NRXN3: variants seen among roughly 807,000 people sequenced by gnomAD.
NRXN3 encodes neurexin 3.
A neutral mutation model predicts 137.6 loss-of-function variants in NRXN3; 32 were observed. That is an observed-to-expected ratio of 0.23 (90% CI 0.18 to 0.31). NRXN3 has a LOEUF of 0.31. Ranked by LOEUF, NRXN3 falls within the 10% of genes least tolerant of loss-of-function variation. NRXN3 has a pLI of 1.00. For missense variants in NRXN3, 1,574 were observed against 2,062.5 expected, an observed-to-expected ratio of 0.76 and a Z score of 4.59; for synonymous variants, 798 against 784.5, an observed-to-expected ratio of 1.02 and a Z score of -0.29.
At chr14:79,462,885 C>T (rs2096368924) in intron 15 of NRXN3, among the ~76,000 whole-genome samples, 1 of 150,692 alleles carries the variant, frequency 6.6e-6, no homozygotes, top group Non-Finnish European at 1.5e-5. Flanking sequence ...TGTACATACA[C>T]ATATGTATGT....
intron 8 of NRXN3, among the ~76,000 whole-genome samples, chr14:78,726,959 TA>T (rs55802240): frequency 0.33 from 39,392 of 120,798 alleles, 6,217 homozygotes; most frequent in African/African-American, 0.48. Context: ...ATTTATTCAC[TA>T]AAAAAAAAAA....
chr14:79,363,055 C>T (rs1164278098), intron 15 of NRXN3, among the ~76,000 whole-genome samples: 5 of 149,756 alleles, frequency 3.3e-5, no homozygotes, highest in African/African-American at 4.9e-5. Flanking sequence ...TGGAGTAGTG[C>T]AATGGTGTGA....
chr14:79,429,884 A>G (rs2095717370), intron 15 of NRXN3, among the ~76,000 whole-genome samples: 1 of 152,198 alleles, frequency 6.6e-6, no homozygotes, highest in African/African-American at 2.4e-5. Context: ...TTGGAGAGTG[A>G]AAGAGTTTTA....
intron 4 of NRXN3, among the ~76,000 whole-genome samples, chr14:78,434,495 TA>T (rs1171234738): frequency 2.6e-5 from 4 of 152,212 alleles, no homozygotes; most frequent in Non-Finnish European, 4.4e-5. Context: ...CATCCTGAGA[TA>T]CTGGGGTTTA....
At chr14:78,906,547 A>G (rs1293686365) in intron 10 of NRXN3, among the ~76,000 whole-genome samples, 1 of 152,036 alleles carries the variant, frequency 6.6e-6, no homozygotes, top group Non-Finnish European at 1.5e-5. Context: ...TTTCACTCCC[A>G]CATCCAATCT....
chr14:78,529,813 A>C (rs2096434457), intron 4 of NRXN3, among the ~76,000 whole-genome samples: 1 of 152,102 alleles, frequency 6.6e-6, no homozygotes, highest in Non-Finnish European at 1.5e-5. Context: ...CCCATCAACA[A>C]ATCACCTTGC....
Position 79,320,842 on chromosome 14 carries a change from C to CT in NRXN3, c.3263-146364dup, listed in dbSNP as rs879619303. Among the ~76,000 whole-genome samples, 607 of 138,462 alleles carry CT rather than the reference C, an allele frequency of 4.4e-3. 1 individual carries two copies. The highest frequency in any genetic ancestry group is 0.011 in the African/African-American group (429 of 37,910). 90.8% of individuals were successfully genotyped at this position (138,462 alleles called of 152,430 possible). On this transcript the variant is annotated intron_variant, in intron 15 of 20. Transcript: ENST00000335750. ...ATGACACTGACACCATTAGCAAGGA[C>CT]TTTTTTTTTTTTTTTAACAGCATTT...
intron 15 of NRXN3, among the ~76,000 whole-genome samples, chr14:79,293,312 G>A (rs2083496548): frequency 6.6e-6 from 1 of 152,088 alleles, no homozygotes; most frequent in Non-Finnish European, 1.5e-5. Context: ...CTAAAATAAT[G>A]TTCTGATGAA....
chr14:78,432,793 C>G (rs1196072369), intron 4 of NRXN3, among the ~76,000 whole-genome samples: 2 of 152,112 alleles, frequency 1.3e-5, no homozygotes, highest in Non-Finnish European at 2.9e-5. Flanking sequence ...GAATGTCTGA[C>G]CAATGGGGAA....
At chr14:79,338,981 C>G (rs1228088352) in intron 15 of NRXN3, among the ~76,000 whole-genome samples, 1 of 152,150 alleles carries the variant, frequency 6.6e-6, no homozygotes, top group Non-Finnish European at 1.5e-5. Context: ...AAAAGTTGGG[C>G]ATTCTGTAGG....
chr14:79,298,248 G>A (rs928413040), intron 15 of NRXN3, among the ~76,000 whole-genome samples: 4 of 152,034 alleles, frequency 2.6e-5, no homozygotes, highest in Admixed American at 1.3e-4. Flanking sequence ...ACCAGCCAGA[G>A]GCTAATTTCT....
intron 15 of NRXN3, among the ~76,000 whole-genome samples, chr14:79,065,133 A>G (rs1254024982): frequency 1.3e-5 from 2 of 151,950 alleles, no homozygotes; most frequent in African/African-American, 4.8e-5. Context: ...TATGTAGTTT[A>G]TTCAGTTACT....
intron 2 of NRXN3, among the ~76,000 whole-genome samples, chr14:78,266,100 T>A (rs543078202): frequency 1.3e-5 from 2 of 152,342 alleles, no homozygotes; most frequent in South Asian, 4.1e-4. Context: ...TTCTCTGTTA[T>A]CTCTGAAACA....
At chr14:78,212,762 C>T (rs1392011174) in intron 1 of NRXN3, among the ~76,000 whole-genome samples, 1 of 152,118 alleles carries the variant, frequency 6.6e-6, no homozygotes, top group South Asian at 2.1e-4. Flanking sequence ...ATGGTAATAG[C>T]CTGCCATTAC....
At chr14:78,371,764 A>G (rs2086875182) in intron 4 of NRXN3, among the ~76,000 whole-genome samples, 1 of 152,236 alleles carries the variant, frequency 6.6e-6, no homozygotes, top group South Asian at 2.1e-4. Context: ...ACGGGCCAAG[A>G]GCCAGTGCAC....
At chr14:78,441,873 G>C (rs562614331) in intron 4 of NRXN3, among the ~76,000 whole-genome samples, 1 of 152,186 alleles carries the variant, frequency 6.6e-6, no homozygotes, top group African/African-American at 2.4e-5. Context: ...CAGGCAGGTG[G>C]GTCATCTGAG....
intron 15 of NRXN3, among the ~76,000 whole-genome samples, chr14:79,441,203 A>G (rs957256075): frequency 2.0e-5 from 3 of 152,016 alleles, no homozygotes; most frequent in Non-Finnish European, 2.9e-5. Flanking sequence ...TTTTTTTTAA[A>G]TAGAAACCCA....
chr14:79,858,771 C>T (rs2141903096), intron 20 of NRXN3, among the ~76,000 whole-genome samples: 1 of 152,188 alleles, frequency 6.6e-6, no homozygotes, highest in South Asian at 2.1e-4. Flanking sequence ...TTACTCAAAC[C>T]TTGCCCTCTT....
intron 15 of NRXN3, among the ~76,000 whole-genome samples, chr14:79,093,139 G>T (rs1302212489): frequency 6.6e-6 from 1 of 152,156 alleles, no homozygotes; most frequent in Non-Finnish European, 1.5e-5. Context: ...TACAGATCAA[G>T]GAAAGAGGCA....
Sources: gnomAD v4.1 joint callset for allele counts (sites outside exome capture counted in the v4.1 genomes callset) on GRCh38, gnomAD v4.1.1 for gene constraint, MANE v1.5 for transcripts, NCBI Gene and HGNC (gene_info 2026-07-23, HGNC 2026-07-21) for gene names.